HCN1: variants seen among roughly 807,000 people sequenced by gnomAD.
HCN1 encodes hyperpolarization activated cyclic nucleotide gated potassium channel 1.
HCN1 carries 13 observed loss-of-function variants against 78.9 expected under a neutral mutation model. The ratio of observed to expected loss-of-function variants is 0.16; its 90% CI spans 0.11 to 0.26. The LOEUF (loss-of-function observed/expected upper bound fraction) is 0.26. Ranked by LOEUF, HCN1 falls within the 10% of genes least tolerant of loss-of-function variation. The pLI is 1.00. For missense variants in HCN1, 810 were observed against 1,154.3 expected (o/e 0.70, Z 4.32); for synonymous variants, 552 against 455.5 (o/e 1.21, Z -2.70).
chr5:45,322,323 A>AT (rs541094756), intron 5 of HCN1, among the ~76,000 whole-genome samples: 28 of 151,916 alleles, frequency 1.8e-4, no homozygotes, highest in Middle Eastern at 3.4e-3. Context: ...CTTTTCTTAG[A>AT]TTTTTTAAAG....
intron 2 of HCN1, among the ~76,000 whole-genome samples, chr5:45,628,840 G>GT (rs1328093777): frequency 6.6e-6 from 1 of 151,932 alleles, no homozygotes; most frequent in Non-Finnish European, 1.5e-5. Flanking sequence ...GGGCATGCTG[G>GT]TGGGTGCCTG....
chr5:45,403,599 C>A (rs1335288493), intron 3 of HCN1, among the ~76,000 whole-genome samples: 1 of 152,064 alleles, frequency 6.6e-6, no homozygotes, highest in Non-Finnish European at 1.5e-5. Flanking sequence ...ATAACTCCCC[C>A]ACCATGATTC....
chr5:45,533,953 G>C (rs1742912665), intron 2 of HCN1, among the ~76,000 whole-genome samples: 2 of 152,182 alleles, frequency 1.3e-5, no homozygotes, highest in Admixed American at 1.3e-4. Flanking sequence ...GGGGAGAAGA[G>C]AGAACAAGGA....
intron 2 of HCN1, among the ~76,000 whole-genome samples, chr5:45,474,304 G>T (rs981875277): frequency 6.6e-6 from 1 of 151,774 alleles, no homozygotes; most frequent in African/African-American, 2.4e-5. Context: ...CATTGATCCT[G>T]CAAGTAGCTT....
intron 2 of HCN1, among the ~76,000 whole-genome samples, chr5:45,541,718 C>T (rs547860567): frequency 2.6e-5 from 4 of 152,110 alleles, no homozygotes; most frequent in Non-Finnish European, 4.4e-5. Flanking sequence ...AACACTGTGG[C>T]TTACTGATGT....
At chr5:45,538,290 A>G (rs2111819458) in intron 2 of HCN1, among the ~76,000 whole-genome samples, 1 of 152,310 alleles carries the variant, frequency 6.6e-6, no homozygotes, top group Middle Eastern at 3.4e-3. Flanking sequence ...CTGTGATGCA[A>G]AGATCTCAAC....
chr5:45,270,882 G>A (rs1744948645), intron 6 of HCN1, among the ~76,000 whole-genome samples: 1 of 152,056 alleles, frequency 6.6e-6, no homozygotes, highest in African/African-American at 2.4e-5. Flanking sequence ...ATAGATATAA[G>A]TTTAGTCAAA....
intron 4 of HCN1, among the ~76,000 whole-genome samples, chr5:45,374,418 T>C (rs1747552198): frequency 6.8e-6 from 1 of 147,398 alleles, no homozygotes; most frequent in Non-Finnish European, 1.5e-5. Flanking sequence ...GGTAAATTCC[T>C]GAACACATAC....
chr5:45,468,912 T>C (rs908521013), intron 2 of HCN1, among the ~76,000 whole-genome samples: 1 of 152,024 alleles, frequency 6.6e-6, no homozygotes, highest in Non-Finnish European at 1.5e-5. Context: ...TCAATTTGTA[T>C]AAAGGGGTCA....
intron 7 of HCN1, among the ~76,000 whole-genome samples, chr5:45,263,374 G>T (rs1056508891): frequency 3.9e-5 from 6 of 152,128 alleles, no homozygotes; most frequent in African/African-American, 1.2e-4. Context: ...AACATGGTTG[G>T]CAGGTAACAG....
chr5:45,505,507 T>G (rs1742280334), intron 2 of HCN1, among the ~76,000 whole-genome samples: 1 of 152,148 alleles, frequency 6.6e-6, no homozygotes, highest in Non-Finnish European at 1.5e-5. Flanking sequence ...TGCTGTAGCC[T>G]TGTAGTATAG....
intron 1 of HCN1, among the ~76,000 whole-genome samples, chr5:45,657,861 A>C (rs555265625): frequency 3.9e-5 from 6 of 152,154 alleles, no homozygotes; most frequent in African/African-American, 1.4e-4. Context: ...AGCTACCAAT[A>C]ACTTTCTTCA....
At chr5:45,679,709 A>G (rs1411387183) in intron 1 of HCN1, among the ~76,000 whole-genome samples, 2 of 152,138 alleles carry the variant, frequency 1.3e-5, no homozygotes, top group Non-Finnish European at 2.9e-5. Flanking sequence ...TTCAATACAA[A>G]AAGTAGATAT....
chr5:45,276,487 T>C (rs1055317840), intron 6 of HCN1, among the ~76,000 whole-genome samples: 1 of 152,036 alleles, frequency 6.6e-6, no homozygotes, highest in African/African-American at 2.4e-5. Flanking sequence ...CATATAGCTG[T>C]CAGATTTATA....
At chr5:45,352,134 C>T (rs1746917876) in intron 5 of HCN1, among the ~76,000 whole-genome samples, 2 of 152,108 alleles carry the variant, frequency 1.3e-5, no homozygotes, top group Non-Finnish European at 2.9e-5. Context: ...CCCAAATGTC[C>T]AACAAGGATA....
rs1418945597 is a variant in HCN1 at position 45,262,378 on chromosome 5, T to G, written c.2216A>C (p.Gln739Pro). ...LMQQQPQQQV[Q>P]QSQPPQTQPQ... ...CTGAGTCTGCGGCGGCTGGGACTGC[T>G]GTACCTGCTGCTGCGGCTGCTGTTG... The change falls in exon 8 of 8, where the codon CAG (glutamine) becomes CCG (proline). Residue 739 changes from glutamine (Q) to proline (P), a missense_variant. By Grantham distance (76) the Gln-to-Pro change is moderately conservative (BLOSUM62 -1). Coordinates refer to ENST00000303230, the MANE Select transcript of HCN1 (RefSeq NM_021072.4). The G allele has an allele frequency of 1.2e-6, 2 of 1,612,058 alleles. No individual in the cohort carries two copies. Among genetic ancestry groups the G allele is most frequent in the Non-Finnish European group, 1.7e-6 (2 of 1,179,650 alleles).
At position 45,404,845 on chromosome 5, in the gene HCN1, C is replaced by T. The variant is rs552151137; in HGVS notation, c.1012-8135G>A. Reference sequence around the variant, plus strand: ...GAACAAAAGCTCTCCAGTCCACTAGCTTTCACATGAGCTGAAATTTATTTA... The same window carrying T: ...GAACAAAAGCTCTCCAGTCCACTAGTTTTCACATGAGCTGAAATTTATTTA... On this transcript the variant is annotated intron_variant, in intron 3 of 7. Coordinates refer to ENST00000303230, the MANE Select transcript of HCN1 (RefSeq NM_021072.4). 3.9e-5 allele frequency among the ~76,000 whole-genome samples: 6 copies of T among 151,986 alleles called. No individual in the cohort carries two copies. In the South Asian group the frequency reaches 1.2e-3, roughly 32 times the overall value.
chr5:45,362,848 T>C (rs1323460999), intron 4 of HCN1, among the ~76,000 whole-genome samples: 1 of 152,020 alleles, frequency 6.6e-6, no homozygotes, highest in Non-Finnish European at 1.5e-5. Context: ...TCTCTATTGA[T>C]CACAAGTAGC....
chr5:45,652,625 T>G (rs1206560687), intron 1 of HCN1, among the ~76,000 whole-genome samples: 1 of 151,972 alleles, frequency 6.6e-6, no homozygotes, highest in East Asian at 1.9e-4. Context: ...TACAAATAAC[T>G]ATATATCCTG....
Sources: allele counts gnomAD v4.1 joint callset (sites outside exome capture counted in the v4.1 genomes callset), GRCh38; gene constraint gnomAD v4.1.1; transcripts MANE v1.5; gene names NCBI Gene and HGNC (gene_info 2026-07-23, HGNC 2026-07-21).